The following TCEA1 variants were observed in gnomAD, a reference collection of about 807,000 sequenced individuals.
TCEA1 encodes the protein transcription elongation factor A1.
A neutral mutation model predicts 43.8 loss-of-function variants in TCEA1; 21 were observed. The observed-to-expected ratio is 0.48, with a 90% CI of 0.34 to 0.69. The LOEUF (loss-of-function observed/expected upper bound fraction) is 0.69. TCEA1 is among the 30% of genes least tolerant of loss of function. The pLI is 0.01. For missense variants in TCEA1, 250 were observed against 365.1 expected (o/e 0.68, Z 2.57); for synonymous variants, 104 against 117.5 (o/e 0.88, Z 0.75).
intron 4 of TCEA1, among the ~76,000 whole-genome samples, chr8:53,989,344 C>T (rs1314193157): frequency 6.6e-6 from 1 of 152,164 alleles, no homozygotes; most frequent in Non-Finnish European, 1.5e-5. Context: ...TAAGCTTTAT[C>T]ACATTGAAAA....
At chr8:53,996,250 G>C (rs1476048343) in intron 3 of TCEA1, among the ~76,000 whole-genome samples, 4 of 152,230 alleles carry the variant, frequency 2.6e-5, no homozygotes, top group Non-Finnish European at 4.4e-5. Context: ...ATCTGATACG[G>C]TGTTGTGGGC....
In TCEA1 at chr8:53,993,709, A is replaced by C. The variant is rs749681705; in HGVS notation, c.279T>G (p.Pro93=). The change falls in exon 4 of 10, where the codon CCT becomes CCG. Residue 93 remains proline (P), a synonymous_variant. Transcript: ENST00000521604. Reference sequence around the variant, plus strand: ...CAGGGCTGTTCTGCGATGTAATTGCAGGTTCTTTCTTCTTTTCGTCAAGGT... The same window carrying C: ...CAGGGCTGTTCTGCGATGTAATTGCCGGTTCTTTCTTCTTTTCGTCAAGGT... ...EKDLDEKKKE[P]AITSQNSPEA... 1 of 1,613,828 alleles carries C rather than the reference A, an allele frequency of 6.2e-7. No individual in the cohort carries two copies. Among genetic ancestry groups the C allele is most frequent in the Non-Finnish European group, 8.5e-7 (1 of 1,179,818 alleles).
chr8:54,022,196 C>T lies in TCEA1; in HGVS notation c.-71G>A. ...GTGGGCGAAGCTGGAGCGGAAGACA[C>T]AGCAGGAGCGACCCCCGGCGCGCAG... On this transcript the variant is annotated 5_prime_UTR_variant, in exon 1 of 10. The change creates a new upstream start codon in the 5' untranslated region. Transcript: ENST00000521604. 3 of 1,515,454 alleles carry T rather than the reference C, an allele frequency of 2.0e-6. No individual in the cohort carries two copies. The highest frequency in any genetic ancestry group is 2.4e-4 in the Middle Eastern group (1 of 4,220). 93.9% of individuals were successfully genotyped at this position (1,515,454 alleles called of 1,614,324 possible). A position where few individuals can be genotyped will look rare whatever the true frequency, so the allele number is the denominator to read the frequency against.
intron 2 of TCEA1, among the ~76,000 whole-genome samples, chr8:54,002,144 C>T (rs924700049): frequency 6.7e-6 from 1 of 149,004 alleles, no homozygotes; most frequent in East Asian, 2.0e-4. Flanking sequence ...GCTCCAGCTT[C>T]CAGCCTGGGC....
rs1563529541 is a variant in TCEA1 at position 54,022,420 on chromosome 8, G to T, written c.-295C>A. On this transcript the variant is annotated 5_prime_UTR_variant, in exon 1 of 10. Coordinates refer to ENST00000521604, the MANE Select transcript of TCEA1 (RefSeq NM_006756.4). Reference sequence around the variant, plus strand: ...CCCATGTTCCCGCCAGGCGGGCGTCGGGCTAGTGGGCAGGCGTGGCTTCCG... The same window carrying T: ...CCCATGTTCCCGCCAGGCGGGCGTCTGGCTAGTGGGCAGGCGTGGCTTCCG... The T allele has an allele frequency of 6.4e-6, 3 of 467,280 alleles. No homozygotes were observed. The highest frequency in any genetic ancestry group is 1.1e-5 in the Non-Finnish European group (3 of 262,888). The allele number at this position is 467,280 out of a possible 1,614,324, so 28.9% of individuals were successfully genotyped here. A position where few individuals can be genotyped will look rare whatever the true frequency, so the allele number is the denominator to read the frequency against.
At chr8:54,016,080 A>G (rs1464279898) in intron 1 of TCEA1, among the ~76,000 whole-genome samples, 1 of 152,240 alleles carries the variant, frequency 6.6e-6, no homozygotes, top group Non-Finnish European at 1.5e-5. Context: ...GGAATGTAAA[A>G]TGGTGCAGCC....
chr8:54,017,121 G>A (rs542041931), intron 1 of TCEA1, among the ~76,000 whole-genome samples: 6 of 152,262 alleles, frequency 3.9e-5, no homozygotes, highest in Admixed American at 1.3e-4. Flanking sequence ...TGTCAGAGGC[G>A]TGTGAGAAAT....
Position 53,999,847 on chromosome 8 carries a change from G to GA in TCEA1, c.232+97dup, listed in dbSNP as rs1021136174. On this transcript the variant is annotated intron_variant, in intron 3 of 9. Coordinates refer to ENST00000521604, the MANE Select transcript of TCEA1 (RefSeq NM_006756.4). ...CTTTCAGTATATCTAGATTCACTAAGAAAAAAATGTAACCATTAACTAACC... is the reference window on the plus strand; with the variant it reads ...CTTTCAGTATATCTAGATTCACTAAGAAAAAAAATGTAACCATTAACTAACC... The GA allele has an allele frequency of 4.1e-5, 35 of 854,578 alleles. No homozygotes were observed. The African/African-American group carries it at 5.4e-4, about 13-fold the overall frequency. 52.9% of individuals were successfully genotyped at this position (854,578 alleles called of 1,614,324 possible).
intron 2 of TCEA1, among the ~76,000 whole-genome samples, chr8:54,001,993 AAAAC>A (rs893006868): frequency 8.0e-5 from 12 of 150,260 alleles, no homozygotes; most frequent in African/African-American, 1.3e-4. Context: ...AAAAAAACAA[AAAAC>A]AAACAAACAA....
chr8:54,012,984 A>AG (rs1242416737), intron 1 of TCEA1, among the ~76,000 whole-genome samples: 5 of 145,506 alleles, frequency 3.4e-5, no homozygotes, highest in African/African-American at 1.3e-4. Context: ...AAAAAAAAAA[A>AG]GATTGTGGGC....
At chr8:54,014,033 T>C (rs974518980) in intron 1 of TCEA1, among the ~76,000 whole-genome samples, 1 of 152,190 alleles carries the variant, frequency 6.6e-6, no homozygotes, top group Non-Finnish European at 1.5e-5. Flanking sequence ...ACTGAAACCC[T>C]TTCTGACATC....
Position 53,988,175 on chromosome 8 carries a change from G to T in TCEA1, c.405C>A (p.Ser135Arg), listed in dbSNP as rs940240240. The change falls in exon 5 of 10, where the codon AGC becomes AGA. Residue 135 changes from serine (S) to arginine (R), a missense_variant. Coordinates refer to ENST00000521604, the MANE Select transcript of TCEA1 (RefSeq NM_006756.4). Reference protein sequence around the residue: ...TYVSSFPRAPSTSDSVRLKCR... With the variant: ...TYVSSFPRAPRTSDSVRLKCR... The stretch of plus-strand genomic sequence containing the variant: ...ACTTCAACCGCACAGAATCAGAAGT[G>T]CTTGGTGCCCGAGGAAAGGATGAAA... 2.5e-6 allele frequency: 4 copies of T among 1,613,038 alleles called. No individual in the cohort carries two copies. Among genetic ancestry groups the T allele is most frequent in the Admixed American group, 1.7e-5 (1 of 59,928 alleles).
chr8:54,015,312 G>A (rs1052311986), intron 1 of TCEA1, among the ~76,000 whole-genome samples: 8 of 151,924 alleles, frequency 5.3e-5, no homozygotes, highest in Admixed American at 1.3e-4. Context: ...TGGGACTACA[G>A]GCGCCCACCA....
At chr8:54,006,363 C>T (rs546328584) in intron 2 of TCEA1, among the ~76,000 whole-genome samples, 14 of 152,282 alleles carry the variant, frequency 9.2e-5, no homozygotes, top group African/African-American at 3.4e-4. Flanking sequence ...CCTGTAATCC[C>T]AGCTACTCAG....
intron 4 of TCEA1, among the ~76,000 whole-genome samples, chr8:53,990,360 CTT>C (rs869104595): frequency 8.0e-5 from 11 of 136,872 alleles, no homozygotes; most frequent in African/African-American, 2.1e-4. Flanking sequence ...CATTTCTTTT[CTT>C]TTTTTTTTTT....
intron 2 of TCEA1, among the ~76,000 whole-genome samples, chr8:54,007,867 T>A (rs1203987198): frequency 2.0e-5 from 3 of 152,186 alleles, no homozygotes; most frequent in Non-Finnish European, 4.4e-5. Context: ...TTGACTTTTA[T>A]CAAAGTTTTA....
chr8:54,013,434 T>C (rs1235434018), intron 1 of TCEA1, among the ~76,000 whole-genome samples: 1 of 151,992 alleles, frequency 6.6e-6, no homozygotes, highest in South Asian at 2.1e-4. Context: ...TCCTAGCACT[T>C]TGGGAGACCG....
chr8:54,018,360 A>T lies in TCEA1; in HGVS notation c.63+3703T>A, dbSNP rs183369206. The stretch of plus-strand genomic sequence containing the variant: ...GCCTCACTCCTCCTTCTATAATCTA[A>T]ATGAATCCTTTACAAAGAAAGGCAA... On this transcript the variant is annotated intron_variant, in intron 1 of 9. Coordinates refer to ENST00000521604, the MANE Select transcript of TCEA1 (RefSeq NM_006756.4). Among the ~76,000 whole-genome samples the T allele has an allele frequency of 2.6e-3, 397 of 152,292 alleles. 1 individual carries two copies. Among genetic ancestry groups the T allele is most frequent in the Middle Eastern group, 6.8e-3 (2 of 294 alleles).
chr8:53,998,148 A>G (rs1204252633), intron 3 of TCEA1, among the ~76,000 whole-genome samples: 2 of 152,228 alleles, frequency 1.3e-5, no homozygotes, highest in African/African-American at 2.4e-5. Context: ...ACATGAATGT[A>G]TATGTAAGAT....
Sources: allele counts gnomAD v4.1 joint callset (sites outside exome capture counted in the v4.1 genomes callset), GRCh38; gene constraint gnomAD v4.1.1; transcripts MANE v1.5; gene names NCBI Gene and HGNC (gene_info 2026-07-23, HGNC 2026-07-21).